The following IQGAP1 variants were observed in gnomAD, a reference collection of about 807,000 sequenced individuals.
IQGAP1 encodes the protein ras GTPase-activating-like protein IQGAP1.
IQGAP1 carries 66 observed loss-of-function variants against 215.6 expected under a neutral mutation model. That is an observed-to-expected ratio of 0.31 (90% CI 0.25 to 0.38). The LOEUF (loss-of-function observed/expected upper bound fraction) is 0.38, where lower values mean the gene tolerates loss of function less well. IQGAP1 is among the 10% of genes least tolerant of loss of function. IQGAP1 has a pLI of 1.00. For missense variants in IQGAP1, 1,712 were observed against 1,997.1 expected, an observed-to-expected ratio of 0.86 and a Z score of 2.72; for synonymous variants, 772 against 728.7, an observed-to-expected ratio of 1.06 and a Z score of -0.96.
chr15:90,468,181 G>C (rs1047450926), intron 18 of IQGAP1, among the ~76,000 whole-genome samples: 2 of 151,958 alleles, frequency 1.3e-5, no homozygotes, highest in African/African-American at 4.8e-5. Context: ...CGATTCTTCT[G>C]CCTCAGCCTC....
At chr15:90,407,624 G>T (rs1037016348) in intron 2 of IQGAP1, among the ~76,000 whole-genome samples, 2 of 152,166 alleles carry the variant, frequency 1.3e-5, no homozygotes, top group African/African-American at 4.8e-5. Flanking sequence ...TCTAACCTAA[G>T]TATTTTCTCG....
intron 12 of IQGAP1, 86 bp downstream of exon 12, chr15:90,453,024 C>CT (rs1965627943): frequency 1.3e-6 from 2 of 1,557,404 alleles, no homozygotes; most frequent in African/African-American, 1.4e-5. Context: ...TTAGGTAGAA[C>CT]TTTTTTGCAT....
intron 2 of IQGAP1, among the ~76,000 whole-genome samples, chr15:90,402,711 A>T (rs759593713): frequency 5.3e-5 from 8 of 152,216 alleles, no homozygotes; most frequent in Non-Finnish European, 1.2e-4. Context: ...TTAACTGGTG[A>T]TCCTAAAAAC....
rs754119884 is a variant in IQGAP1, at chr15:90,456,208, A to T, written c.1669A>T (p.Thr557Ser). Residue 557 changes from threonine (T) to serine (S), a missense_variant, in exon 15 of 38, where the codon ACT becomes TCT. By Grantham distance (58) the Thr-to-Ser change is moderately conservative (BLOSUM62 1). This residue lies in a region of IQGAP1 where 1,021 missense variants were observed against 1,074.2 expected (regional missense o/e 0.95). Transcript: ENST00000268182. ...EALDEGDAQK[T>S]LQALQIPAAK... ...CCTGGATGAAGGTGATGCCCAAAAG[A>T]CTCTGCAGGCCCTACAGATTCCTGC... 4 of 1,613,912 alleles carry T rather than the reference A, an allele frequency of 2.5e-6. No homozygotes were observed. In the South Asian group the frequency reaches 4.4e-5, roughly 18 times the overall value.
intron 2 of IQGAP1, among the ~76,000 whole-genome samples, chr15:90,423,307 C>T (rs1300749841): frequency 6.6e-6 from 1 of 152,188 alleles, no homozygotes; most frequent in African/African-American, 2.4e-5. Flanking sequence ...CATCTCAACT[C>T]ACTGCAGCTT....
chr15:90,489,287 C>G (rs1207550688), intron 33 of IQGAP1, among the ~76,000 whole-genome samples: 1 of 151,972 alleles, frequency 6.6e-6, no homozygotes, highest in African/African-American at 2.4e-5. Context: ...ACCACCACAC[C>G]TGGCTAATTT....
At chr15:90,495,037 A>T (rs1177526812) in intron 36 of IQGAP1, among the ~76,000 whole-genome samples, 2 of 152,168 alleles carry the variant, frequency 1.3e-5, no homozygotes, top group Admixed American at 1.3e-4. Context: ...TTTGTAGAAC[A>T]TTTGTCTCAG....
rs1025527690 is a variant in IQGAP1, at chr15:90,468,963, G to A, written c.2178+1371G>A. On this transcript the variant is annotated intron_variant, in intron 18 of 37. Transcript: ENST00000268182. Reference sequence around the variant, plus strand: ...TCCTTTGAAGCTCCCAAAGAACTTGGTATTCATTCAGAATTTAATGTACTT... The same window carrying A: ...TCCTTTGAAGCTCCCAAAGAACTTGATATTCATTCAGAATTTAATGTACTT... Among the ~76,000 whole-genome samples the A allele has an allele frequency of 2.6e-5, 4 of 152,122 alleles. No homozygotes were observed. In the East Asian group the frequency reaches 7.7e-4, roughly 29 times the overall value.
intron 1 of IQGAP1, among the ~76,000 whole-genome samples, chr15:90,389,709 C>G (rs567172584): frequency 6.6e-6 from 1 of 151,226 alleles, no homozygotes; most frequent in Non-Finnish European, 1.5e-5. Context: ...AATCCCAGCA[C>G]TTTGGGAGTC....
intron 2 of IQGAP1, among the ~76,000 whole-genome samples, chr15:90,406,048 C>A (rs147457926): frequency 6.6e-6 from 1 of 151,936 alleles, no homozygotes; most frequent in Non-Finnish European, 1.5e-5. Flanking sequence ...TTGCAAAGGA[C>A]GGGAGTGTGG....
chr15:90,391,171 G>A (rs560756435), intron 2 of IQGAP1: 9 of 262,476 alleles, frequency 3.4e-5, no homozygotes, highest in South Asian at 2.6e-4. Context: ...CCGGGAGGTC[G>A]AGGCAGCAGT....
intron 15 of IQGAP1, among the ~76,000 whole-genome samples, chr15:90,457,662 G>A (rs372197452): frequency 6.1e-5 from 9 of 147,240 alleles, no homozygotes; most frequent in South Asian, 4.3e-4. Context: ...GTTTGGTCTC[G>A]AACTCCTGAC....
In IQGAP1 at chr15:90,474,054, T is replaced by C. The variant is rs756510596; in HGVS notation, c.2506-10T>C. 6.2e-7 allele frequency: 1 copy of C among 1,613,228 alleles called. No individual in the cohort carries two copies. The highest frequency in any genetic ancestry group is 8.5e-7 in the Non-Finnish European group (1 of 1,179,402). On this transcript the variant is annotated splice_polypyrimidine_tract_variant and intron_variant, in intron 21 of 37. Transcript: ENST00000268182. ...ATGAACAGAGAAATTTCTTCTTTTT[T>C]GTTCCTTAGATAAATGACATTATCA...
At chr15:90,447,121 T>A (rs1038308184) in intron 9 of IQGAP1, among the ~76,000 whole-genome samples, 1 of 152,208 alleles carries the variant, frequency 6.6e-6, no homozygotes, top group Non-Finnish European at 1.5e-5. Flanking sequence ...ACAATTATAT[T>A]TGCAACATAT....
In IQGAP1 at chr15:90,449,601, G is replaced by A. The variant is rs1367227891; in HGVS notation, c.1120G>A (p.Gly374Arg). 2 of 1,613,134 alleles carry A rather than the reference G, an allele frequency of 1.2e-6. No individual in the cohort carries two copies. Among genetic ancestry groups the A allele is most frequent in the Non-Finnish European group, 8.5e-7 (1 of 1,179,626 alleles). The change falls in exon 11 of 38, where the codon GGA becomes AGA. Residue 374 changes from glycine (G) to arginine (R), a missense_variant. By Grantham distance (125) the Gly-to-Arg change is moderately radical. Around this residue, in one of 2 missense-constraint regions of IQGAP1, gnomAD observed 1,021 missense variants for 1,074.2 expected, o/e 0.95. Coordinates refer to ENST00000268182, the MANE Select transcript of IQGAP1 (RefSeq NM_003870.4). ...DPLQKEELQS[G>R]VDAANSAAQQ... Reference sequence around the variant, plus strand: ...CCTGCAGAAGGAGGAGCTGCAGTCTGGAGTGGATGCTGCAAACAGTGCTGC... The same window carrying A: ...CCTGCAGAAGGAGGAGCTGCAGTCTAGAGTGGATGCTGCAAACAGTGCTGC...
intron 11 of IQGAP1, among the ~76,000 whole-genome samples, chr15:90,450,330 C>CTTTTTTTTTTTTTTT (rs869037347): frequency 5.5e-5 from 3 of 54,460 alleles, no homozygotes; most frequent in African/African-American, 7.8e-5. Context: ...TATACACTAC[C>CTTTTTTTTTTTTTTT]TTTTTTTTTT....
intron 25 of IQGAP1, 27 bp downstream of exon 25, chr15:90,477,257 G>A: frequency 1.2e-6 from 2 of 1,603,186 alleles, no homozygotes; most frequent in Non-Finnish European, 1.7e-6. Flanking sequence ...TCAGGGCACA[G>A]GCCCCTTCCC....
intron 30 of IQGAP1, among the ~76,000 whole-genome samples, chr15:90,484,731 G>C (rs552224860): frequency 6.6e-6 from 1 of 151,992 alleles, no homozygotes; most frequent in South Asian, 2.1e-4. Flanking sequence ...GCATGGTGTC[G>C]ATATCCTGAC....
In IQGAP1 at chr15:90,491,389, T is replaced by C. The variant is rs778648548; in HGVS notation, c.4305T>C (p.Pro1435=). ...QRRAIRDAKT[P]DKMKKSKSVK... is the part of the protein sequence containing the mutation. ...GTGCTATCCGTGATGCCAAAACACC[T>C]GACAAGATGAAAAAGTCAAAATCTG... The change falls in exon 34 of 38, where the codon CCT becomes CCC. Residue 1435 remains proline, a synonymous_variant. Transcript: ENST00000268182. The C allele has an allele frequency of 6.2e-7, 1 of 1,613,954 alleles. No homozygotes were observed. The highest frequency in any genetic ancestry group is 1.3e-5 in the African/African-American group (1 of 74,880).
Sources: allele counts gnomAD v4.1 joint callset (sites outside exome capture counted in the v4.1 genomes callset), GRCh38; gene constraint gnomAD v4.1.1; regional missense constraint gnomAD v4.1.1; transcripts MANE v1.5; gene names NCBI Gene and HGNC (gene_info 2026-07-23, HGNC 2026-07-21).